Variants in NME7 observed in about 807,000 individuals in gnomAD.
NME7 encodes NME/NM23 family member 7.
A neutral mutation model predicts 49.1 loss-of-function variants in NME7; 41 were observed. That is an observed-to-expected ratio of 0.83 (90% CI 0.65 to 1.08). The LOEUF (loss-of-function observed/expected upper bound fraction) is 1.08. Ranked by LOEUF, NME7 falls within the 50% of genes least tolerant of loss-of-function variation. NME7 has a pLI of 0.00. For missense variants in NME7, 423 were observed against 463.4 expected (o/e 0.91, Z 0.80); for synonymous variants, 139 against 150.6 (o/e 0.92, Z 0.56).
rs780303924 is a variant in NME7 at position 169,260,765 on chromosome 1, C to T, written c.755-23078G>A. ...GAGTGGGCACATTCTATCTTTGCTA[C>T]AAACTCTTTTTTAAGATATGTTTTC... On this transcript the variant is annotated intron_variant, in intron 7 of 11. Transcript: ENST00000367811. Among the ~76,000 whole-genome samples the T allele has an allele frequency of 2.2e-5, 3 of 133,784 alleles. 1 individual carries two copies. The highest frequency in any genetic ancestry group is 3.5e-5 in the Non-Finnish European group (2 of 56,836). 87.8% of individuals were successfully genotyped at this position (133,784 alleles called of 152,430 possible). A position where few individuals can be genotyped will look rare whatever the true frequency, so the allele number is the denominator to read the frequency against.
At chr1:169,215,611 T>C (rs1404252536) in intron 10 of NME7, among the ~76,000 whole-genome samples, 1 of 151,562 alleles carries the variant, frequency 6.6e-6, no homozygotes, top group Non-Finnish European at 1.5e-5. Context: ...TTTTTCAAGG[T>C]TGCTAAATAC....
rs1170291577 is a variant in NME7, at chr1:169,227,355, T to C, written c.990+3363A>G. Among the ~76,000 whole-genome samples, 3 of 152,148 alleles carry C rather than the reference T, an allele frequency of 2.0e-5. No homozygotes were observed. In the East Asian group the frequency reaches 5.8e-4, roughly 29 times the overall value. On this transcript the variant is annotated intron_variant, in intron 10 of 11. Transcript: ENST00000367811. The stretch of plus-strand genomic sequence containing the variant: ...CATCACTAAGATAAGTTCTAATTCC[T>C]TACAATTCAGCTCAGAAGCCATGTC...
chr1:169,318,506 C>A (rs1430256422), intron 3 of NME7, among the ~76,000 whole-genome samples: 3 of 152,076 alleles, frequency 2.0e-5, no homozygotes, highest in Non-Finnish European at 4.4e-5. Context: ...TCAAGGACAG[C>A]CACCAATTTT....
At position 169,201,796 on chromosome 1, in the gene NME7, A is replaced by C. The variant is rs78201132; in HGVS notation, c.990+28922T>G. Among the ~76,000 whole-genome samples, 1,107 of 152,216 alleles carry C rather than the reference A, an allele frequency of 7.3e-3. 9 individuals are homozygous for C. Among genetic ancestry groups the C allele is most frequent in the Non-Finnish European group, 0.011 (741 of 67,984 alleles). On this transcript the variant is annotated intron_variant, in intron 10 of 11. Coordinates refer to ENST00000367811, the MANE Select transcript of NME7 (RefSeq NM_013330.5). ...TAGAAACATGGATCTGGTGCTCAGG[A>C]GGTGTTCTTAGACTGGAAACAAGAT...
rs1019541791 is a variant in NME7, at chr1:169,272,627, G to T, written c.754+14676C>A. On this transcript the variant is annotated intron_variant, in intron 7 of 11. Coordinates refer to ENST00000367811, the MANE Select transcript of NME7 (RefSeq NM_013330.5). ...ATGTCTCTGCAAAGGATATGATCTT[G>T]TTCCTTTTTATGGCTACATAGTATT... 3.8e-5 allele frequency among the ~76,000 whole-genome samples: 5 copies of T among 132,720 alleles called. 2 individuals are homozygous for T. 87.1% of individuals were successfully genotyped at this position (132,720 alleles called of 152,430 possible). A position where few individuals can be genotyped will look rare whatever the true frequency, so the allele number is the denominator to read the frequency against.
intron 10 of NME7, among the ~76,000 whole-genome samples, chr1:169,182,771 G>A (rs1659964328): frequency 6.6e-6 from 1 of 152,144 alleles, no homozygotes; most frequent in African/African-American, 2.4e-5. Context: ...TAGTGGATAA[G>A]TGAATGGATG....
intron 7 of NME7, among the ~76,000 whole-genome samples, chr1:169,247,611 G>A (rs1648378021): frequency 6.6e-6 from 1 of 152,072 alleles, no homozygotes; most frequent in Admixed American, 6.6e-5. Flanking sequence ...TACCCAATAA[G>A]TAGTTTTTTA....
chr1:169,317,417 T>C (rs764888431), intron 3 of NME7, among the ~76,000 whole-genome samples: 3 of 152,204 alleles, frequency 2.0e-5, no homozygotes, highest in Non-Finnish European at 4.4e-5. Flanking sequence ...ATTGTATTAT[T>C]TGGGAGGCAG....
At chr1:169,364,143 T>C (rs1436858081) in intron 1 of NME7, among the ~76,000 whole-genome samples, 2 of 152,244 alleles carry the variant, frequency 1.3e-5, no homozygotes, top group African/African-American at 4.8e-5. Flanking sequence ...TATTTTGTAT[T>C]CATTCCGCAA....
In NME7 at chr1:169,324,107, G is replaced by A. The variant is rs530004929; in HGVS notation, c.111+286C>T. 3.4e-3 allele frequency among the ~76,000 whole-genome samples: 515 copies of A among 151,756 alleles called. 3 individuals are homozygous for A. Among genetic ancestry groups the A allele is most frequent in the Middle Eastern group, 0.01 (3 of 294 alleles). ...TGACTTCAAGTAATCTGCCTGGGTC[G>A]GCCTCCCAAAGTGCTGGGATTACAG... On this transcript the variant is annotated intron_variant, in intron 2 of 11. Transcript: ENST00000367811.
At chr1:169,193,942 A>G (rs1433601365) in intron 10 of NME7, among the ~76,000 whole-genome samples, 2 of 150,060 alleles carry the variant, frequency 1.3e-5, no homozygotes, top group Non-Finnish European at 2.9e-5. Flanking sequence ...AGAGCAGTTA[A>G]AAAAAAATCA....
At chr1:169,292,511 A>C (rs1172140161) in intron 6 of NME7, among the ~76,000 whole-genome samples, 2 of 152,164 alleles carry the variant, frequency 1.3e-5, no homozygotes, top group East Asian at 3.9e-4. Flanking sequence ...GCAAAGGCAG[A>C]ATTGGAATTC....
intron 7 of NME7, among the ~76,000 whole-genome samples, chr1:169,277,239 G>C (rs61808905): frequency 0.6 from 84,353 of 139,822 alleles, 26,776 homozygotes; most frequent in East Asian, 0.91. Flanking sequence ...TCCTGGGTAT[G>C]CTTGTTGACT....
At chr1:169,152,541 A>G (rs1175413834) in intron 11 of NME7, among the ~76,000 whole-genome samples, 2 of 152,214 alleles carry the variant, frequency 1.3e-5, no homozygotes, top group African/African-American at 4.8e-5. Context: ...TGGATTTAAG[A>G]AAACTATATT....
intron 10 of NME7, among the ~76,000 whole-genome samples, chr1:169,173,897 T>C: frequency 6.6e-6 from 1 of 152,230 alleles, no homozygotes; most frequent in South Asian, 2.1e-4. Flanking sequence ...CTTAAAAAGT[T>C]ATTGCAGTAT....
At chr1:169,168,324 TCA>T (rs1436767010) in intron 11 of NME7, among the ~76,000 whole-genome samples, 4 of 152,170 alleles carry the variant, frequency 2.6e-5, no homozygotes, top group Non-Finnish European at 4.4e-5. Context: ...TTATGCTTCC[TCA>T]GTTGAATTCT....
At chr1:169,238,919 C>T (rs867299543) in intron 7 of NME7, among the ~76,000 whole-genome samples, 4 of 151,844 alleles carry the variant, frequency 2.6e-5, no homozygotes, top group South Asian at 2.1e-4. Flanking sequence ...TTCCTTGCTA[C>T]GAATTTGCAA....
chr1:169,193,523 T>G (rs1660292451), intron 10 of NME7, among the ~76,000 whole-genome samples: 1 of 152,174 alleles, frequency 6.6e-6, no homozygotes, highest in African/African-American at 2.4e-5. Context: ...TCAAGAAGAT[T>G]TAAAAATATT....
chr1:169,170,578 T>C (rs1416759080), intron 10 of NME7, among the ~76,000 whole-genome samples: 1 of 152,214 alleles, frequency 6.6e-6, no homozygotes, highest in East Asian at 1.9e-4. Context: ...ATTACTTTCA[T>C]TCTGTTCTCC....
Sources: gnomAD v4.1 joint callset for allele counts (sites outside exome capture counted in the v4.1 genomes callset) on GRCh38, gnomAD v4.1.1 for gene constraint, MANE v1.5 for transcripts, NCBI Gene and HGNC (gene_info 2026-07-23, HGNC 2026-07-21) for gene names.